Variants in ACIN1 observed in about 807,000 individuals in gnomAD.
The protein encoded by ACIN1 is apoptotic chromatin condensation inducer 1.
In ACIN1, 16 loss-of-function variants were observed where a neutral mutation model predicts 146.6. The observed-to-expected ratio is 0.11, with a 90% confidence interval of 0.07 to 0.17. The LOEUF (loss-of-function observed/expected upper bound fraction) is 0.17. ACIN1 is among the 10% of genes least tolerant of loss of function. ACIN1 has a pLI of 1.00. For synonymous variants in ACIN1, 569 were observed against 582.7 expected (o/e 0.98, Z 0.34); for missense variants, 1,357 against 1,609.3 (o/e 0.84, Z 2.68).
chr14:23,085,888 G>T (rs1372798199), intron 4 of ACIN1, among the ~76,000 whole-genome samples: 2 of 152,074 alleles, frequency 1.3e-5, no homozygotes, highest in Non-Finnish European at 2.9e-5. Flanking sequence ...AACAAGTCAG[G>T]GTAAATATTA....
rs766797052 is a variant in ACIN1, at chr14:23,064,078, CCT to C, written c.2595+25_2595+26del. 16 of 1,613,110 alleles carry C rather than the reference CCT, an allele frequency of 9.9e-6. No homozygotes were observed. The East Asian group carries it at 1.1e-4, about 11-fold the overall frequency. On this transcript the variant is annotated intron_variant, in intron 12 of 18. Coordinates refer to ENST00000605057, the MANE Select transcript of ACIN1 (RefSeq NM_001386863.1). ...CTGCATCTACTGCTCCCACCTTTCCCCTGACACTGGGGTGCAGAAGCCTTACC... is the reference window on the plus strand; with the variant it reads ...CTGCATCTACTGCTCCCACCTTTCCCGACACTGGGGTGCAGAAGCCTTACC...
intron 2 of ACIN1, among the ~76,000 whole-genome samples, chr14:23,091,750 AG>A (rs1408228916): frequency 6.6e-6 from 1 of 151,662 alleles, no homozygotes; most frequent in Non-Finnish European, 1.5e-5. Flanking sequence ...CAGTCTCCTG[AG>A]TAGCTGGGAT....
At chr14:23,075,889 C>T (rs1449601813) in intron 8 of ACIN1, among the ~76,000 whole-genome samples, 10 of 151,992 alleles carry the variant, frequency 6.6e-5, no homozygotes, top group African/African-American at 9.7e-5. Context: ...TTAGTAGAGA[C>T]GGGGTTTCAC....
chr14:23,059,157 C>T lies in ACIN1; in HGVS notation c.3843G>A (p.Gly1281=), dbSNP rs1566727988. The T allele has an allele frequency of 6.2e-7, 1 of 1,613,184 alleles. No individual in the cohort carries two copies. Among genetic ancestry groups the T allele is most frequent in the African/African-American group, 1.3e-5 (1 of 74,848 alleles). ...TCTAGTGTTTTCCCAGCTAGCGGCG[C>T]CCACCCCGGTCCCGCACAGGTGTGC... ...SRSTPVRDRG[G]RR is the part of the protein sequence containing the mutation. The change falls in exon 19 of 19, where the codon GGG becomes GGA. Residue 1281 remains glycine, a synonymous_variant. Coordinates refer to ENST00000605057, the MANE Select transcript of ACIN1 (RefSeq NM_001386863.1).
intron 12 of ACIN1, among the ~76,000 whole-genome samples, 164 bp downstream of exon 12, chr14:23,063,941 T>C (rs926208607): frequency 6.6e-6 from 1 of 152,194 alleles, no homozygotes; most frequent in African/African-American, 2.4e-5. Flanking sequence ...TTGTAACAGG[T>C]AGCCAGCTGG....
At chr14:23,072,110 A>C (rs59516639) in intron 8 of ACIN1, among the ~76,000 whole-genome samples, 5,745 of 152,236 alleles carry the variant, frequency 0.038, 344 homozygotes, top group African/African-American at 0.13. Flanking sequence ...TCACTACAGT[A>C]ACTGGCTGCT....
At chr14:23,093,373 A>C in intron 2 of ACIN1, 106 bp downstream of exon 2, 1 of 1,161,784 alleles carries the variant, frequency 8.6e-7, no homozygotes, top group East Asian at 2.4e-5. Context: ...AAGAGAACTT[A>C]GGAAAACAGT....
chr14:23,071,372 G>C, intron 8 of ACIN1: 1 of 1,539,968 alleles, frequency 6.5e-7, no homozygotes, highest in African/African-American at 1.4e-5. Flanking sequence ...GGTGGTGGTG[G>C]TGCGGGGAGG....
intron 2 of ACIN1, 92 bp from the exon 3 acceptor site, chr14:23,090,725 T>G: frequency 2.2e-6 from 2 of 908,952 alleles, no homozygotes; most frequent in Non-Finnish European, 3.3e-6. Context: ...CCACTCCTTA[T>G]AGTTGCGCCC....
Position 23,084,559 on chromosome 14 carries a change from G to A in ACIN1, c.437-2723C>T, listed in dbSNP as rs147787647. Among the ~76,000 whole-genome samples, 925 of 150,932 alleles carry A rather than the reference G, an allele frequency of 6.1e-3. 9 individuals carry two copies. The highest frequency in any genetic ancestry group is 0.021 in the African/African-American group (855 of 40,870). ...TGGGAGGCAGAGGTTGTAGTGAGCC[G>A]AGATGGCGCTATTGCACTCCAGCCT... On this transcript the variant is annotated intron_variant, in intron 4 of 18. Coordinates refer to ENST00000605057, the MANE Select transcript of ACIN1 (RefSeq NM_001386863.1).
rs1207960870 is a variant in ACIN1 at position 23,090,453 on chromosome 14, A to G, written c.316+69T>C. 40 of 1,342,160 alleles carry G rather than the reference A, an allele frequency of 3.0e-5. No individual in the cohort carries two copies. The East Asian group carries it at 8.8e-4, about 30-fold the overall frequency. The allele number at this position is 1,342,160 out of a possible 1,614,324, so 83.1% of individuals were successfully genotyped here. On this transcript the variant is annotated intron_variant, in intron 3 of 18. Transcript: ENST00000605057. Reference sequence around the variant, plus strand: ...TATTTCTGAAATTGTCTAGTTAGACAGGCCTATCTACTTGGTGACAGGGAT... The same window carrying G: ...TATTTCTGAAATTGTCTAGTTAGACGGGCCTATCTACTTGGTGACAGGGAT...
chr14:23,074,435 C>T (rs974020112), intron 8 of ACIN1, among the ~76,000 whole-genome samples: 20 of 151,906 alleles, frequency 1.3e-4, no homozygotes, highest in African/African-American at 4.8e-4. Context: ...GTGTGGCAGC[C>T]GCGTCTATAG....
chr14:23,094,747 G>C (rs992224948), intron 1 of ACIN1: 4 of 725,430 alleles, frequency 5.5e-6, no homozygotes, highest in African/African-American at 3.6e-5. Flanking sequence ...CTGGAGAGTA[G>C]TGCACACCCT....
intron 2 of ACIN1, among the ~76,000 whole-genome samples, chr14:23,093,215 G>A (rs562710214): frequency 3.9e-5 from 6 of 152,204 alleles, no homozygotes; most frequent in African/African-American, 1.4e-4. Flanking sequence ...TGTACTACAC[G>A]TAATTAATGG....
intron 8 of ACIN1, among the ~76,000 whole-genome samples, chr14:23,077,588 C>T (rs1292069931): frequency 6.6e-6 from 1 of 152,190 alleles, no homozygotes; most frequent in Middle Eastern, 3.4e-3. Context: ...ATTTTAAGTT[C>T]AATCAAATGG....
At chr14:23,078,067 G>A in intron 8 of ACIN1, 84 bp downstream of exon 8, 1 of 1,217,804 alleles carries the variant, frequency 8.2e-7, no homozygotes, top group African/African-American at 1.5e-5. Flanking sequence ...AACTAGGACT[G>A]CTTAGTCAAA....
At chr14:23,074,482 T>C (rs1191967152) in intron 8 of ACIN1, among the ~76,000 whole-genome samples, 1 of 152,060 alleles carries the variant, frequency 6.6e-6, no homozygotes, top group Non-Finnish European at 1.5e-5. Flanking sequence ...TGATAATTGC[T>C]TGAACCCAGG....
chr14:23,076,390 T>A (rs2047803044), intron 8 of ACIN1: 2 of 152,194 alleles, frequency 1.3e-5, no homozygotes, highest in African/African-American at 4.8e-5. Context: ...TTGCCCAAGA[T>A]GCCACTTGCC....
chr14:23,062,760 T>C (rs1271390217), intron 14 of ACIN1, 169 bp downstream of exon 14: 8 of 936,570 alleles, frequency 8.5e-6, no homozygotes, highest in East Asian at 2.6e-5. Flanking sequence ...CAACAGCTTT[T>C]CCCCCTCATT....
Sources: allele counts gnomAD v4.1 joint callset (sites outside exome capture counted in the v4.1 genomes callset), GRCh38; gene constraint gnomAD v4.1.1; transcripts MANE v1.5; gene names NCBI Gene and HGNC (gene_info 2026-07-23, HGNC 2026-07-21).